Variants in ANKRD44 observed in about 807,000 individuals in gnomAD.
ANKRD44 encodes the protein ankyrin repeat domain 44.
Under a neutral mutation model 116.0 loss-of-function variants are expected in ANKRD44, and 35 were observed. The observed-to-expected ratio is 0.30, with a 90% CI of 0.23 to 0.40. The LOEUF (loss-of-function observed/expected upper bound fraction) is 0.40. Ranked by LOEUF, ANKRD44 falls within the 10% of genes least tolerant of loss-of-function variation. The pLI, the probability that ANKRD44 is intolerant of heterozygous loss-of-function variation, is 1.00. For missense variants in ANKRD44, 1,014 were observed against 1,242.6 expected, an observed-to-expected ratio of 0.82 and a Z score of 2.77; for synonymous variants, 435 against 461.8, an observed-to-expected ratio of 0.94 and a Z score of 0.74.
intron 1 of ANKRD44, among the ~76,000 whole-genome samples, chr2:197,308,863 A>G (rs1252154414): frequency 1.3e-5 from 2 of 152,186 alleles, no homozygotes; most frequent in African/African-American, 4.8e-5. Flanking sequence ...GAGCTATCCT[A>G]TACCAACTGT....
At chr2:197,045,699 T>C (rs1473067566) in intron 16 of ANKRD44, among the ~76,000 whole-genome samples, 2 of 152,220 alleles carry the variant, frequency 1.3e-5, no homozygotes, top group African/African-American at 2.4e-5. Context: ...TAAAATGAAC[T>C]TTTAAGTGCT....
chr2:197,241,919 T>A (rs1033535812), intron 1 of ANKRD44, among the ~76,000 whole-genome samples: 1 of 152,164 alleles, frequency 6.6e-6, no homozygotes, highest in Non-Finnish European at 1.5e-5. Context: ...ACAATATTAA[T>A]CTTAAAAATA....
intron 17 of ANKRD44, 84 bp downstream of exon 17, chr2:197,025,112 A>G: frequency 7.3e-7 from 1 of 1,376,414 alleles, no homozygotes. Flanking sequence ...GTGTTACTAC[A>G]TTTACATTTT....
At chr2:197,219,943 CTTTAT>C (rs2081546028) in intron 1 of ANKRD44, among the ~76,000 whole-genome samples, 1 of 152,122 alleles carries the variant, frequency 6.6e-6, no homozygotes, top group Non-Finnish European at 1.5e-5. Context: ...AAAAATTTCC[CTTTAT>C]TTTAACAAGC....
chr2:197,200,709 G>T (rs1006871810), intron 1 of ANKRD44, among the ~76,000 whole-genome samples: 1 of 152,094 alleles, frequency 6.6e-6, no homozygotes, highest in Non-Finnish European at 1.5e-5. Flanking sequence ...CATTTAAGCT[G>T]CTCCTGCCCA....
intron 16 of ANKRD44, among the ~76,000 whole-genome samples, chr2:197,035,320 G>T (rs1029899790): frequency 2.9e-4 from 44 of 151,960 alleles, no homozygotes; most frequent in African/African-American, 1.0e-3. Context: ...GGCCCCGAGA[G>T]ACCTCAAGCT....
intron 1 of ANKRD44, among the ~76,000 whole-genome samples, chr2:197,276,238 G>T (rs893276489): frequency 7.3e-6 from 1 of 136,166 alleles, no homozygotes; most frequent in Non-Finnish European, 1.5e-5. Flanking sequence ...TCATGCCACC[G>T]CACTCCAGCA....
chr2:197,166,457 C>T (rs1166186487), intron 2 of ANKRD44, among the ~76,000 whole-genome samples: 1 of 152,118 alleles, frequency 6.6e-6, no homozygotes, highest in East Asian at 1.9e-4. Flanking sequence ...ACTTAAATGA[C>T]AAAGGCACCA....
chr2:197,097,022 G>A (rs1049121399), intron 10 of ANKRD44, among the ~76,000 whole-genome samples: 1 of 152,118 alleles, frequency 6.6e-6, no homozygotes, highest in Non-Finnish European at 1.5e-5. Flanking sequence ...CCTCATCTGT[G>A]TCCCTAAGAC....
Position 197,008,827 on chromosome 2 carries a change from C to T in ANKRD44, c.2012+117G>A. 4.5e-6 allele frequency: 4 copies of T among 886,786 alleles called. 1 individual carries two copies. Among genetic ancestry groups the T allele is most frequent in the South Asian group, 3.0e-5 (2 of 67,122 alleles). 54.9% of individuals were successfully genotyped at this position (886,786 alleles called of 1,614,324 possible). On this transcript the variant is annotated intron_variant, in intron 19 of 27. Transcript: ENST00000282272. ...ACCTCATTGTGTATTGGTCCTGGTC[C>T]AAATATATTCCTCCAATTTCTCGGT... is the stretch of plus-strand genomic sequence containing the variant.
intron 4 of ANKRD44, chr2:197,136,371 T>A (rs905148190): frequency 1.8e-6 from 1 of 563,118 alleles, no homozygotes; most frequent in Middle Eastern, 4.4e-4. Context: ...AAATTCAGGA[T>A]CATGCTGTCC....
intron 1 of ANKRD44, among the ~76,000 whole-genome samples, chr2:197,193,153 T>A (rs2080863302): frequency 6.6e-6 from 1 of 152,108 alleles, no homozygotes; most frequent in African/African-American, 2.4e-5. Flanking sequence ...AACACATGGG[T>A]ACTGACTATG....
At chr2:197,271,914 A>C (rs1010920831) in intron 1 of ANKRD44, among the ~76,000 whole-genome samples, 1 of 151,892 alleles carries the variant, frequency 6.6e-6, no homozygotes, top group Non-Finnish European at 1.5e-5. Flanking sequence ...AGGTTTTAAA[A>C]CTGTCTTAGA....
chr2:197,006,778 G>T (rs756539589), intron 20 of ANKRD44, among the ~76,000 whole-genome samples: 17 of 152,054 alleles, frequency 1.1e-4, no homozygotes, highest in African/African-American at 2.4e-5. Flanking sequence ...TATGATTTCT[G>T]CTTGTGTTTA....
rs1332291102 is a variant in ANKRD44 at position 197,084,788 on chromosome 2, G to A, written c.1317-1279C>T. ...AGAAATTTTAAATATTTTACCTATT[G>A]GATTGCATATGTTTTAATTAGACTG... is the stretch of plus-strand genomic sequence containing the variant. On this transcript the variant is annotated intron_variant, in intron 13 of 27. Transcript: ENST00000282272. Among the ~76,000 whole-genome samples, 3 of 151,838 alleles carry A rather than the reference G, an allele frequency of 2.0e-5. No homozygotes were observed. In the East Asian group the frequency reaches 5.8e-4, roughly 29 times the overall value.
Position 197,235,334 on chromosome 2 carries a change from C to T in ANKRD44, c.28-48228G>A, listed in dbSNP as rs191934764. On this transcript the variant is annotated intron_variant, in intron 1 of 27. Coordinates refer to ENST00000282272, the MANE Select transcript of ANKRD44 (RefSeq NM_001195144.2). ...AGGGGCTCAAAAGTAGTGTAAGATC[C>T]AGCCAGGCACGGTGGCTCACGCCTG... Among the ~76,000 whole-genome samples the T allele has an allele frequency of 4.8e-4, 73 of 152,034 alleles. 1 individual carries two copies. Among genetic ancestry groups the T allele is most frequent in the African/African-American group, 1.6e-3 (67 of 41,502 alleles).
chr2:197,154,929 T>C (rs572880270), intron 2 of ANKRD44, among the ~76,000 whole-genome samples: 11 of 152,200 alleles, frequency 7.2e-5, no homozygotes, highest in African/African-American at 2.7e-4. Flanking sequence ...ATTTCTCATA[T>C]AGAAAATATA....
chr2:197,187,644 T>TTCTCTCTCTCTCTC (rs55952976), intron 1 of ANKRD44, among the ~76,000 whole-genome samples: 7 of 134,638 alleles, frequency 5.2e-5, no homozygotes, highest in African/African-American at 1.8e-4. Context: ...CACGTTCTCA[T>TTCTCTCTCTCTCTC]TCTCTCTCTC....
rs554123786 is a variant in ANKRD44, at chr2:197,033,170, G to C, written c.1651-7903C>G. Among the ~76,000 whole-genome samples the C allele has an allele frequency of 2.6e-5, 4 of 152,248 alleles. No individual in the cohort carries two copies. The South Asian group carries it at 8.3e-4, about 32-fold the overall frequency. Reference sequence around the variant, plus strand: ...AATGTCTAATGGGAGATGGGAAAAGGCCTAAGATATAAACCTCAGGAACCT... The same window carrying C: ...AATGTCTAATGGGAGATGGGAAAAGCCCTAAGATATAAACCTCAGGAACCT... On this transcript the variant is annotated intron_variant, in intron 16 of 27. Transcript: ENST00000282272.
Sources: gnomAD v4.1 joint callset for allele counts (sites outside exome capture counted in the v4.1 genomes callset) on GRCh38, gnomAD v4.1.1 for gene constraint, MANE v1.5 for transcripts, NCBI Gene and HGNC (gene_info 2026-07-23, HGNC 2026-07-21) for gene names.